Variants in MGAT5B observed in about 807,000 individuals in gnomAD.
The protein encoded by MGAT5B is alpha-1,6-mannosylglycoprotein 6-beta-N-acetylglucosaminyltransferase B, also known as N-acetylglucosaminyl-transferase Vb.
A neutral mutation model predicts 95.1 loss-of-function variants in MGAT5B; 54 were observed. The ratio of observed to expected loss-of-function variants is 0.57; its 90% CI spans 0.46 to 0.71. The LOEUF is 0.71. Ranked by LOEUF, MGAT5B falls within the 30% of genes least tolerant of loss-of-function variation. MGAT5B has a pLI of 0.00. For synonymous variants in MGAT5B, 464 were observed against 451.0 expected (o/e 1.03, Z -0.36); for missense variants, 935 against 1,088.6 (o/e 0.86, Z 1.99).
intron 3 of MGAT5B, among the ~76,000 whole-genome samples, chr17:76,884,151 C>T (rs1967534668): frequency 6.6e-6 from 1 of 152,224 alleles, no homozygotes; most frequent in African/African-American, 2.4e-5. Flanking sequence ...ATAGATCTTA[C>T]CTACCTCACA....
At chr17:76,897,660 A>ACTTACTTTCTTT (rs1968113593) in intron 3 of MGAT5B, among the ~76,000 whole-genome samples, 2 of 69,386 alleles carry the variant, frequency 2.9e-5, no homozygotes, top group Non-Finnish European at 5.1e-5. Context: ...AAGTAAGGCC[A>ACTTACTTTCTTT]CTTTCTTTCT....
At chr17:76,895,429 C>T (rs569265860) in intron 3 of MGAT5B, among the ~76,000 whole-genome samples, 10 of 152,216 alleles carry the variant, frequency 6.6e-5, no homozygotes, top group Admixed American at 3.3e-4. Flanking sequence ...TTGTCTTCCA[C>T]GAAACCAGTC....
intron 8 of MGAT5B, among the ~76,000 whole-genome samples, chr17:76,908,671 T>C (rs919005955): frequency 6.6e-6 from 1 of 152,222 alleles, no homozygotes; most frequent in Non-Finnish European, 1.5e-5. Flanking sequence ...CAATGTGTAA[T>C]GATCAAGTCA....
At chr17:76,935,102 C>T (rs1209485366) in intron 12 of MGAT5B, among the ~76,000 whole-genome samples, 1 of 152,088 alleles carries the variant, frequency 6.6e-6, no homozygotes, top group East Asian at 1.9e-4. Context: ...AGAGTGTAGT[C>T]CCAGGAAGCG....
At chr17:76,890,357 A>G (rs1967819741) in intron 3 of MGAT5B, among the ~76,000 whole-genome samples, 1 of 152,232 alleles carries the variant, frequency 6.6e-6, no homozygotes, top group Non-Finnish European at 1.5e-5. Flanking sequence ...CATTACGAGT[A>G]GTGATAATAA....
rs1243098416 is a variant in MGAT5B at position 76,929,141 on chromosome 17, C to T, written c.1291+2411C>T. 3.3e-5 allele frequency among the ~76,000 whole-genome samples: 5 copies of T among 152,274 alleles called. No homozygotes were observed. The East Asian group carries it at 9.7e-4, about 29-fold the overall frequency. ...TCGGTCTCCCAAAGTGCTGGGATTC[C>T]AGGCGTGAGCCACTGTGCCCAGCCA... On this transcript the variant is annotated intron_variant, in intron 10 of 17. Transcript: ENST00000569840.
At position 76,949,927 on chromosome 17, in the gene MGAT5B, C is replaced by G. The variant is rs1811873334; in HGVS notation, c.*1089C>G. The G allele has an allele frequency of 6.6e-6, 1 of 152,456 alleles. No individual in the cohort carries two copies. The highest frequency in any genetic ancestry group is 2.4e-5 in the African/African-American group (1 of 41,352). 9.4% of individuals were successfully genotyped at this position (152,456 alleles called of 1,614,324 possible). ...ATCAGTGCCGAGTCCTTGTCCCTACCTCCAGCTTCCTCCAGCCTCAAACCG... is the reference window on the plus strand; with the variant it reads ...ATCAGTGCCGAGTCCTTGTCCCTACGTCCAGCTTCCTCCAGCCTCAAACCG... On this transcript the variant is annotated 3_prime_UTR_variant, in exon 18 of 18. Coordinates refer to ENST00000569840, the MANE Select transcript of MGAT5B (RefSeq NM_001199172.2).
intron 10 of MGAT5B, among the ~76,000 whole-genome samples, chr17:76,927,266 T>G (rs1969341668): frequency 6.6e-6 from 1 of 152,170 alleles, no homozygotes. Context: ...AGACAGGATC[T>G]CGCTCTATTG....
intron 8 of MGAT5B, among the ~76,000 whole-genome samples, chr17:76,919,811 C>T (rs1969068644): frequency 6.6e-6 from 1 of 152,250 alleles, no homozygotes. Context: ...AGTTCAGTGG[C>T]AAAGCACACT....
intron 3 of MGAT5B, among the ~76,000 whole-genome samples, chr17:76,895,938 G>A (rs1357412777): frequency 6.6e-6 from 1 of 152,034 alleles, no homozygotes; most frequent in Non-Finnish European, 1.5e-5. Flanking sequence ...CATTTTCGAG[G>A]GCCCCTAAAA....
intron 3 of MGAT5B, 81 bp downstream of exon 3, chr17:76,882,379 T>C (rs1598898054): frequency 6.8e-7 from 1 of 1,468,424 alleles, no homozygotes; most frequent in East Asian, 2.4e-5. Flanking sequence ...GTCCGTCATC[T>C]CCTTTTGTGA....
chr17:76,904,158 T>A, intron 5 of MGAT5B, 94 bp from the exon 6 acceptor site: 1 of 1,316,390 alleles, frequency 7.6e-7, no homozygotes, highest in Non-Finnish European at 1.0e-6. Flanking sequence ...GCCCCATCCT[T>A]GACCTCAGGA....
chr17:76,896,546 C>T (rs1224634412), intron 3 of MGAT5B, among the ~76,000 whole-genome samples: 2 of 152,216 alleles, frequency 1.3e-5, no homozygotes, highest in South Asian at 2.1e-4. Context: ...GTATTGAGCA[C>T]CTCCTGTATG....
intron 13 of MGAT5B, among the ~76,000 whole-genome samples, chr17:76,939,687 G>C (rs934866309): frequency 6.6e-6 from 1 of 152,000 alleles, no homozygotes; most frequent in Non-Finnish European, 1.5e-5. Context: ...TCCCCACTCT[G>C]GGAGTCCCCA....
intron 12 of MGAT5B, among the ~76,000 whole-genome samples, chr17:76,936,277 G>A (rs147783898): frequency 6.6e-6 from 1 of 152,066 alleles, no homozygotes; most frequent in Admixed American, 6.6e-5. Flanking sequence ...GTGTGGTGGC[G>A]TGCGCCCGTA....
At position 76,889,822 on chromosome 17, in the gene MGAT5B, C is replaced by T. The variant is rs1034146934; in HGVS notation, c.329+7524C>T. ...AGCCGGACCAACCACATGACAGCCA[C>T]GTTTATTGGGGATGGGGTGTGAAAA... On this transcript the variant is annotated intron_variant, in intron 3 of 17. Transcript: ENST00000569840. This position sits in a 1 kb window ranked among gnomAD's most constrained non-coding sequence, Gnocchi z 4.4. 6.6e-6 allele frequency among the ~76,000 whole-genome samples: 1 copy of T among 152,144 alleles called. No individual in the cohort carries two copies. Among genetic ancestry groups the T allele is most frequent in the African/African-American group, 2.4e-5 (1 of 41,430 alleles).
At chr17:76,873,871 C>T (rs1425098174) in intron 2 of MGAT5B, among the ~76,000 whole-genome samples, 1 of 152,208 alleles carries the variant, frequency 6.6e-6, no homozygotes, top group Non-Finnish European at 1.5e-5. Flanking sequence ...GGAAGTCTCT[C>T]CTTGAAGTCC....
At chr17:76,888,571 G>A (rs967354053) in intron 3 of MGAT5B, among the ~76,000 whole-genome samples, 3 of 152,160 alleles carry the variant, frequency 2.0e-5, no homozygotes, top group Admixed American at 6.5e-5. Flanking sequence ...TGCAACTCTC[G>A]TAAATCAGGA....
rs543894982 is a variant in MGAT5B at position 76,869,734 on chromosome 17, G to T, written c.68+637G>T. The stretch of plus-strand genomic sequence containing the variant: ...GGCAGGGGCGGCGCTGCAGGGCTAC[G>T]GGGCGGCTGGAGCCGAGGCTGCGGC... On this transcript the variant is annotated intron_variant, in intron 1 of 17. Coordinates refer to ENST00000569840, the MANE Select transcript of MGAT5B (RefSeq NM_001199172.2). The surrounding 1 kb of genome is among the most constrained non-coding windows in gnomAD (Gnocchi z 7.0). Among the ~76,000 whole-genome samples, 7 of 152,304 alleles carry T rather than the reference G, an allele frequency of 4.6e-5. No homozygotes were observed. The highest frequency in any genetic ancestry group is 1.7e-4 in the African/African-American group (7 of 41,564).
Sources: allele counts gnomAD v4.1 joint callset (sites outside exome capture counted in the v4.1 genomes callset), GRCh38; gene constraint gnomAD v4.1.1; non-coding constraint Gnocchi (gnomAD v3.1); transcripts MANE v1.5; gene names NCBI Gene and HGNC (gene_info 2026-07-23, HGNC 2026-07-21).